The following SEMA3E variants were observed in gnomAD, a reference collection of about 807,000 sequenced individuals.
The protein encoded by SEMA3E is semaphorin 3E, also known as semaphorin-3E.
A neutral mutation model predicts 93.6 loss-of-function variants in SEMA3E; 49 were observed. That is an observed-to-expected ratio of 0.52 (90% CI 0.42 to 0.66). The LOEUF (loss-of-function observed/expected upper bound fraction) is 0.66, where lower values mean the gene tolerates loss of function less well. Ranked by LOEUF, SEMA3E falls within the 30% of genes least tolerant of loss-of-function variation. SEMA3E has a pLI of 0.00. For synonymous variants in SEMA3E, 363 were observed against 330.7 expected (o/e 1.10, Z -1.06); for missense variants, 906 against 964.8 (o/e 0.94, Z 0.81).
intron 1 of SEMA3E, among the ~76,000 whole-genome samples, chr7:83,578,863 G>A (rs1454908284): frequency 6.6e-6 from 1 of 151,940 alleles, no homozygotes; most frequent in African/African-American, 2.4e-5. Flanking sequence ...CATAACAAAA[G>A]AGCTTATTCA....
rs1299169759 is a variant in SEMA3E, at chr7:83,364,368, T to A, written c.*3218A>T. 1 of 152,196 alleles carries A rather than the reference T, an allele frequency of 6.6e-6. No individual in the cohort carries two copies. Among genetic ancestry groups the A allele is most frequent in the South Asian group, 2.1e-4 (1 of 4,836 alleles). 9.4% of individuals were successfully genotyped at this position (152,196 alleles called of 1,614,324 possible). ...ACACTCATTACAAACATTCTAAGTATTTAACTAATTTTAGATAGAAAAAAC... is the reference window on the plus strand; with the variant it reads ...ACACTCATTACAAACATTCTAAGTAATTAACTAATTTTAGATAGAAAAAAC... On this transcript the variant is annotated 3_prime_UTR_variant, in exon 17 of 17. Coordinates refer to ENST00000643230, the MANE Select transcript of SEMA3E (RefSeq NM_012431.3).
intron 4 of SEMA3E, 46 bp from the exon 5 acceptor site, chr7:83,418,529 T>C (rs1473083482): frequency 8.1e-7 from 1 of 1,241,998 alleles, no homozygotes; most frequent in Non-Finnish European, 1.2e-6. Context: ...CCTCCTCTAA[T>C]AATCATTTAA....
At chr7:83,521,711 A>G (rs114605434) in intron 1 of SEMA3E, among the ~76,000 whole-genome samples, 1,583 of 152,108 alleles carry the variant, frequency 0.01, 27 homozygotes, top group African/African-American at 0.033. Flanking sequence ...TGTTGTCCTC[A>G]TGGGGAACAG....
chr7:83,537,036 C>T (rs1264962932), intron 1 of SEMA3E, among the ~76,000 whole-genome samples: 1 of 151,314 alleles, frequency 6.6e-6, no homozygotes. Context: ...TCTCTTCTCC[C>T]CCCTTCTCTC....
intron 1 of SEMA3E, among the ~76,000 whole-genome samples, chr7:83,608,212 C>CA (rs1267670732): frequency 4.2e-5 from 6 of 144,328 alleles, no homozygotes; most frequent in African/African-American, 7.7e-5. Flanking sequence ...GACTCAGTCT[C>CA]AAAAAAAAGA....
intron 5 of SEMA3E, among the ~76,000 whole-genome samples, chr7:83,412,595 A>C (rs1032170442): frequency 6.6e-6 from 1 of 151,706 alleles, no homozygotes; most frequent in African/African-American, 2.4e-5. Flanking sequence ...AATAATAATA[A>C]TAATGATAAA....
At chr7:83,582,256 A>T (rs1792531621) in intron 1 of SEMA3E, among the ~76,000 whole-genome samples, 1 of 150,834 alleles carries the variant, frequency 6.6e-6, no homozygotes, top group Non-Finnish European at 1.5e-5. Flanking sequence ...ATACATATAA[A>T]TAATAAACTA....
At chr7:83,607,509 G>T (rs1793149024) in intron 1 of SEMA3E, among the ~76,000 whole-genome samples, 2 of 152,236 alleles carry the variant, frequency 1.3e-5, no homozygotes, top group South Asian at 4.1e-4. Flanking sequence ...TACCTATGTA[G>T]AGAAAACTTA....
chr7:83,414,063 G>A (rs1439636147), intron 5 of SEMA3E, among the ~76,000 whole-genome samples: 1 of 152,218 alleles, frequency 6.6e-6, no homozygotes, highest in East Asian at 1.9e-4. Context: ...AAGTGAGAGA[G>A]AGAGCGAGCA....
At chr7:83,531,200 A>C (rs1791287399) in intron 1 of SEMA3E, among the ~76,000 whole-genome samples, 1 of 151,868 alleles carries the variant, frequency 6.6e-6, no homozygotes, top group Non-Finnish European at 1.5e-5. Flanking sequence ...TCTAAAGTTA[A>C]TATTTTATTT....
At chr7:83,630,243 C>G (rs998466668) in intron 1 of SEMA3E, among the ~76,000 whole-genome samples, 3 of 152,000 alleles carry the variant, frequency 2.0e-5, no homozygotes, top group African/African-American at 7.2e-5. Flanking sequence ...CCATCTTGCC[C>G]GGGAATAAAA....
intron 5 of SEMA3E, among the ~76,000 whole-genome samples, chr7:83,414,004 A>G (rs1233660202): frequency 6.6e-6 from 1 of 152,184 alleles, no homozygotes. Flanking sequence ...AGAGACTAGC[A>G]GTCATGGCCA....
chr7:83,363,857 T>C lies in SEMA3E; in HGVS notation c.*3729A>G, dbSNP rs1261565324. ...TTAGGCTACAGGTGTCACAGGTCAA[T>C]TCATTTTTTTTTTTTTTTTTTTTTT... On this transcript the variant is annotated 3_prime_UTR_variant, in exon 17 of 17. Transcript: ENST00000643230. The C allele has an allele frequency of 8.3e-6, 1 of 120,892 alleles. No individual in the cohort carries two copies. The highest frequency in any genetic ancestry group is 1.6e-5 in the Non-Finnish European group (1 of 62,202). 7.5% of individuals were successfully genotyped at this position (120,892 alleles called of 1,614,324 possible). A position where few individuals can be genotyped will look rare whatever the true frequency, so the allele number is the denominator to read the frequency against.
intron 16 of SEMA3E, among the ~76,000 whole-genome samples, chr7:83,384,899 A>G (rs1787848607): frequency 6.6e-6 from 1 of 152,032 alleles, no homozygotes; most frequent in Non-Finnish European, 1.5e-5. Context: ...TGTCTAAGAC[A>G]TATGTGTTAA....
intron 4 of SEMA3E, among the ~76,000 whole-genome samples, chr7:83,440,075 T>C (rs1789081847): frequency 6.6e-6 from 1 of 152,184 alleles, no homozygotes; most frequent in Non-Finnish European, 1.5e-5. Context: ...AGATACAAAA[T>C]GTTTTTTTTC....
chr7:83,473,224 T>C, intron 2 of SEMA3E, among the ~76,000 whole-genome samples: 1 of 152,210 alleles, frequency 6.6e-6, no homozygotes, highest in Non-Finnish European at 1.5e-5. Flanking sequence ...TTAACATTTT[T>C]ACAAACAGCT....
At chr7:83,384,992 A>C (rs2116915963) in intron 16 of SEMA3E, among the ~76,000 whole-genome samples, 1 of 151,890 alleles carries the variant, frequency 6.6e-6, no homozygotes, top group Non-Finnish European at 1.5e-5. Context: ...CATGACCATA[A>C]AATCATGAGT....
intron 1 of SEMA3E, among the ~76,000 whole-genome samples, chr7:83,503,929 C>T (rs752643041): frequency 2.0e-5 from 3 of 152,076 alleles, no homozygotes; most frequent in Non-Finnish European, 4.4e-5. Flanking sequence ...AGTGATGTTA[C>T]AGGATCACAG....
chr7:83,451,383 A>G (rs1048603927), intron 4 of SEMA3E, among the ~76,000 whole-genome samples: 5 of 152,192 alleles, frequency 3.3e-5, no homozygotes, highest in African/African-American at 1.2e-4. Context: ...AATCTTTTAC[A>G]TATTATAATC....
Sources: allele counts gnomAD v4.1 joint callset (sites outside exome capture counted in the v4.1 genomes callset), GRCh38; gene constraint gnomAD v4.1.1; transcripts MANE v1.5; gene names NCBI Gene and HGNC (gene_info 2026-07-23, HGNC 2026-07-21).